The following SUDS3 variants were observed in gnomAD, a reference collection of about 807,000 sequenced individuals.
SUDS3 encodes the protein SIN3A corepressor complex component SDS3.
SUDS3 carries 23 observed loss-of-function variants against 53.5 expected under a neutral mutation model. That is an observed-to-expected ratio of 0.43 (90% confidence interval 0.31 to 0.61). SUDS3 has a LOEUF of 0.61. SUDS3 is among the 20% of genes least tolerant of loss of function. The pLI is 0.10. For missense variants in SUDS3, 291 were observed against 405.9 expected, an observed-to-expected ratio of 0.72 and a Z score of 2.43; for synonymous variants, 150 against 148.5, an observed-to-expected ratio of 1.01 and a Z score of -0.08.
chr12:118,382,460 C>T (rs954232060), intron 2 of SUDS3, among the ~76,000 whole-genome samples: 18 of 151,550 alleles, frequency 1.2e-4, no homozygotes, highest in African/African-American at 4.1e-4. Flanking sequence ...CTCTGGGGCT[C>T]AATCCATTGA....
chr12:118,391,618 A>G (rs1216584068), intron 6 of SUDS3, among the ~76,000 whole-genome samples: 5 of 152,308 alleles, frequency 3.3e-5, no homozygotes, highest in Middle Eastern at 3.4e-3. Flanking sequence ...CTTAGACTCT[A>G]CTTAATTCCT....
chr12:118,378,029 G>A (rs921057590), intron 1 of SUDS3, among the ~76,000 whole-genome samples: 6 of 152,062 alleles, frequency 3.9e-5, no homozygotes, highest in South Asian at 2.1e-4. Flanking sequence ...CAGAAGACAC[G>A]GCTTAACCAG....
At chr12:118,403,264 G>A in intron 9 of SUDS3, 148 bp from the exon 10 acceptor site, 1 of 682,374 alleles carries the variant, frequency 1.5e-6, no homozygotes, top group South Asian at 1.8e-5. Context: ...ATATACAAGA[G>A]TTTTGCTGAA....
At chr12:118,379,275 A>G (rs1222695764) in intron 1 of SUDS3, among the ~76,000 whole-genome samples, 2 of 151,974 alleles carry the variant, frequency 1.3e-5, no homozygotes, top group Non-Finnish European at 2.9e-5. Flanking sequence ...CATCTCTACT[A>G]AAAATACAAA....
chr12:118,399,747 G>A (rs186641695), intron 6 of SUDS3, among the ~76,000 whole-genome samples: 1 of 152,238 alleles, frequency 6.6e-6, no homozygotes, highest in African/African-American at 2.4e-5. Context: ...ATGGAAGGAG[G>A]GATAGATTGG....
intron 2 of SUDS3, among the ~76,000 whole-genome samples, chr12:118,383,184 TCAG>T (rs1235948700): frequency 6.6e-5 from 10 of 152,334 alleles, no homozygotes; most frequent in African/African-American, 2.4e-4. Context: ...TGTGCTCACT[TCAG>T]CAGCACATAT....
intron 9 of SUDS3, among the ~76,000 whole-genome samples, chr12:118,402,860 A>C (rs2046275808): frequency 6.6e-6 from 1 of 151,850 alleles, no homozygotes; most frequent in African/African-American, 2.4e-5. Flanking sequence ...TCCCAGGTTC[A>C]AGTGATTCTC....
chr12:118,380,144 T>A lies in SUDS3; in HGVS notation c.143-18T>A. The stretch of plus-strand genomic sequence containing the variant: ...GAATTATGATTTTAACTAGCCCCTA[T>A]TTCCTAACTTTATTCAGACACTGAG... On this transcript the variant is annotated intron_variant, in intron 1 of 11. Transcript: ENST00000543473. The A allele has an allele frequency of 6.3e-7, 1 of 1,597,106 alleles. No individual in the cohort carries two copies. The highest frequency in any genetic ancestry group is 1.1e-5 in the South Asian group (1 of 88,160).
At chr12:118,393,831 C>T (rs566647726) in intron 6 of SUDS3, among the ~76,000 whole-genome samples, 11 of 151,998 alleles carry the variant, frequency 7.2e-5, no homozygotes, top group South Asian at 2.1e-4. Flanking sequence ...CCACCACGCC[C>T]GGCTAATTTT....
chr12:118,398,388 C>A (rs942059923), intron 6 of SUDS3, among the ~76,000 whole-genome samples: 3 of 152,060 alleles, frequency 2.0e-5, no homozygotes, highest in African/African-American at 7.2e-5. Flanking sequence ...GTGTCACTGG[C>A]CAGTAACTAA....
At chr12:118,403,715 A>G (rs1176726747) in intron 10 of SUDS3, among the ~76,000 whole-genome samples, 198 bp downstream of exon 10, 2 of 152,124 alleles carry the variant, frequency 1.3e-5, no homozygotes, top group Admixed American at 1.3e-4. Context: ...GTTTCCCAAA[A>G]CCATGTTCTG....
intron 3 of SUDS3, among the ~76,000 whole-genome samples, chr12:118,385,621 G>A (rs2046108290): frequency 6.6e-6 from 1 of 152,180 alleles, no homozygotes; most frequent in Admixed American, 6.6e-5. Flanking sequence ...GCCACATGTG[G>A]CTGTTTAAAT....
rs375224938 is a variant in SUDS3, at chr12:118,384,469, C to T, written c.268+402C>T. Among the ~76,000 whole-genome samples, 3 of 152,288 alleles carry T rather than the reference C, an allele frequency of 2.0e-5. No homozygotes were observed. The East Asian group carries it at 5.8e-4, about 29-fold the overall frequency. On this transcript the variant is annotated intron_variant, in intron 3 of 11. Transcript: ENST00000543473. ...TGTGTTTTCTCCTTTTTGCTTGTTA[C>T]ATTAAAAGTAGATTGTATTTTGTCA...
intron 6 of SUDS3, among the ~76,000 whole-genome samples, chr12:118,395,690 T>G (rs1008153925): frequency 2.0e-5 from 3 of 151,876 alleles, no homozygotes; most frequent in Non-Finnish European, 2.9e-5. Flanking sequence ...TTCTTGTGGA[T>G]TGATTGATTG....
chr12:118,390,094 A>G (rs1284853601), intron 5 of SUDS3, 148 bp downstream of exon 5: 59 of 954,990 alleles, frequency 6.2e-5, no homozygotes, highest in Non-Finnish European at 8.9e-5. Flanking sequence ...ATTTGGTCTC[A>G]GCTCAGACAT....
At position 118,417,338 on chromosome 12, in the gene SUDS3, T is replaced by C. The variant is rs1040926589; in HGVS notation, c.*2905T>C. The C allele has an allele frequency of 1.7e-4, 26 of 152,198 alleles. No homozygotes were observed. The highest frequency in any genetic ancestry group is 7.9e-4 in the Admixed American group (12 of 15,286). 9.4% of individuals were successfully genotyped at this position (152,198 alleles called of 1,614,324 possible). ...GACTGGGTGACTTTTCTAAGAAATA[T>C]GGGGTTTAGAATGGGGTTGACTGTA... On this transcript the variant is annotated 3_prime_UTR_variant, in exon 12 of 12. Coordinates refer to ENST00000543473, the MANE Select transcript of SUDS3 (RefSeq NM_022491.3).
intron 7 of SUDS3, 121 bp from the exon 8 acceptor site, chr12:118,401,638 C>T (rs940250874): frequency 1.8e-5 from 15 of 832,876 alleles, no homozygotes; most frequent in Non-Finnish European, 2.8e-5. Context: ...CAAACTGTTA[C>T]TGTAGAAACA....
intron 4 of SUDS3, 46 bp downstream of exon 4, chr12:118,386,231 C>G (rs2046113675): frequency 6.8e-7 from 1 of 1,474,826 alleles, no homozygotes; most frequent in Non-Finnish European, 9.3e-7. Context: ...AATGTTTGAC[C>G]ATTTGCCGAT....
chr12:118,409,583 T>TTTAC (rs1359141588), intron 10 of SUDS3, among the ~76,000 whole-genome samples: 29 of 152,242 alleles, frequency 1.9e-4, no homozygotes, highest in African/African-American at 7.0e-4. Flanking sequence ...AAGTGCATCC[T>TTTAC]TTACTTGCCA....
Sources: gnomAD v4.1 joint callset for allele counts (sites outside exome capture counted in the v4.1 genomes callset) on GRCh38, gnomAD v4.1.1 for gene constraint, MANE v1.5 for transcripts, NCBI Gene and HGNC (gene_info 2026-07-23, HGNC 2026-07-21) for gene names.